MIPOL1: variants seen among roughly 807,000 people sequenced by gnomAD.
MIPOL1 encodes the protein mirror-image polydactyly 1, also known as mirror-image polydactyly gene 1 protein.
In MIPOL1, 57 loss-of-function variants were observed where a neutral mutation model predicts 60.9. The ratio of observed to expected loss-of-function variants is 0.94; its 90% CI spans 0.76 to 1.17. The LOEUF is 1.17. MIPOL1 is among the 50% of genes most tolerant of loss of function. MIPOL1 has a pLI of 0.00. For missense variants in MIPOL1, 551 were observed against 511.6 expected (o/e 1.08, Z -0.74); for synonymous variants, 179 against 168.8 (o/e 1.06, Z -0.47).
chr14:37,324,979 A>G (rs972955057), intron 9 of MIPOL1, among the ~76,000 whole-genome samples: 1 of 151,936 alleles, frequency 6.6e-6, no homozygotes, highest in Admixed American at 6.6e-5. Context: ...AAGTCCTCCA[A>G]CTTGTTCTTT....
At chr14:37,544,473 C>G (rs1486427846) in intron 12 of MIPOL1, among the ~76,000 whole-genome samples, 11 of 152,194 alleles carry the variant, frequency 7.2e-5, no homozygotes, top group Admixed American at 7.2e-4. Context: ...GAAGATATCA[C>G]TGAGTAATAT....
At chr14:37,487,695 A>G (rs2094972394) in intron 11 of MIPOL1, among the ~76,000 whole-genome samples, 4 of 151,948 alleles carry the variant, frequency 2.6e-5, no homozygotes, top group Non-Finnish European at 5.9e-5. Flanking sequence ...CCCCTTTATC[A>G]CTTTTTATTG....
intron 7 of MIPOL1, among the ~76,000 whole-genome samples, chr14:37,295,879 AC>A (rs1373673004): frequency 1.3e-5 from 2 of 152,122 alleles, no homozygotes; most frequent in African/African-American, 4.8e-5. Flanking sequence ...CCCACTGTCA[AC>A]ATTAGACAGA....
chr14:37,218,264 T>G (rs2139446359), intron 1 of MIPOL1, among the ~76,000 whole-genome samples: 1 of 152,272 alleles, frequency 6.6e-6, no homozygotes, highest in East Asian at 1.9e-4. Flanking sequence ...CACTTCAGCC[T>G]CCACCTCCCA....
intron 1 of MIPOL1, among the ~76,000 whole-genome samples, chr14:37,215,047 C>T (rs1967384376): frequency 6.6e-6 from 1 of 152,162 alleles, no homozygotes. Flanking sequence ...ATCCTGTACA[C>T]CTGGCTCTGC....
At chr14:37,347,285 C>T (rs2091009472) in intron 9 of MIPOL1, among the ~76,000 whole-genome samples, 1 of 151,770 alleles carries the variant, frequency 6.6e-6, no homozygotes, top group African/African-American at 2.4e-5. Context: ...AAAAGGATCA[C>T]TGTGAAAAAA....
At chr14:37,202,657 C>T (rs1420807349) in intron 1 of MIPOL1, among the ~76,000 whole-genome samples, 1 of 152,128 alleles carries the variant, frequency 6.6e-6, no homozygotes, top group Admixed American at 6.5e-5. Flanking sequence ...TTAATTTGTA[C>T]GATCATCCTT....
intron 11 of MIPOL1, among the ~76,000 whole-genome samples, chr14:37,454,455 A>T (rs1326756178): frequency 2.0e-5 from 3 of 152,234 alleles, no homozygotes; most frequent in Non-Finnish European, 1.5e-5. Context: ...TGATGCTCAT[A>T]ACAGCTGTGT....
chr14:37,534,692 G>T (rs1055585743), intron 12 of MIPOL1, among the ~76,000 whole-genome samples: 58 of 152,130 alleles, frequency 3.8e-4, no homozygotes, highest in African/African-American at 1.3e-3. Flanking sequence ...CAATAAAATT[G>T]TAACTTAATC....
intron 9 of MIPOL1, among the ~76,000 whole-genome samples, chr14:37,348,248 C>T (rs1411388123): frequency 6.6e-6 from 1 of 152,046 alleles, no homozygotes; most frequent in Non-Finnish European, 1.5e-5. Context: ...ACATGATTTC[C>T]TCTAAATTAA....
chr14:37,487,802 T>C (rs1361304469), intron 11 of MIPOL1, among the ~76,000 whole-genome samples: 2 of 152,178 alleles, frequency 1.3e-5, no homozygotes, highest in Non-Finnish European at 2.9e-5. Flanking sequence ...ATTCATTGAT[T>C]TTTTGAAGGG....
At chr14:37,286,716 T>G (rs1386069202) in intron 7 of MIPOL1, among the ~76,000 whole-genome samples, 1 of 152,104 alleles carries the variant, frequency 6.6e-6, no homozygotes, top group African/African-American at 2.4e-5. Flanking sequence ...GATTAATGGC[T>G]TCATTTTTTT....
chr14:37,480,584 G>C (rs1374643643), intron 11 of MIPOL1, among the ~76,000 whole-genome samples: 2 of 143,618 alleles, frequency 1.4e-5, no homozygotes, highest in East Asian at 2.0e-4. Context: ...CATATGAGAA[G>C]CCCACAGCTA....
At chr14:37,227,486 GTGTT>G (rs1317407093) in intron 1 of MIPOL1, among the ~76,000 whole-genome samples, 1 of 152,088 alleles carries the variant, frequency 6.6e-6, no homozygotes, top group African/African-American at 2.4e-5. Context: ...TGTGGTGTGT[GTGTT>G]TGTGTGTGTG....
At chr14:37,209,950 A>T (rs1343091005) in intron 1 of MIPOL1, among the ~76,000 whole-genome samples, 3 of 151,616 alleles carry the variant, frequency 2.0e-5, no homozygotes, top group Non-Finnish European at 4.4e-5. Flanking sequence ...TCCTTAAGCG[A>T]TCCTCCCACC....
intron 9 of MIPOL1, among the ~76,000 whole-genome samples, chr14:37,361,668 C>T (rs6571809): frequency 0.97 from 135,748 of 139,868 alleles, 65,926 homozygotes; most frequent in East Asian, 1. Context: ...GGCAGTGGCT[C>T]GATTTCGGCC....
At chr14:37,216,190 T>C (rs1967665837) in intron 1 of MIPOL1, among the ~76,000 whole-genome samples, 1 of 151,582 alleles carries the variant, frequency 6.6e-6, no homozygotes, top group East Asian at 1.9e-4. Flanking sequence ...AAAGAGACAA[T>C]GTCACTATAT....
chr14:37,233,110 C>T (rs1000755051), intron 1 of MIPOL1, among the ~76,000 whole-genome samples: 18 of 152,104 alleles, frequency 1.2e-4, no homozygotes, highest in Admixed American at 8.5e-4. Flanking sequence ...TGGGGTAACA[C>T]GTGTATTTTA....
intron 12 of MIPOL1, 62 bp from the exon 13 acceptor site, chr14:37,546,843 A>T: frequency 1.5e-6 from 2 of 1,317,386 alleles, no homozygotes; most frequent in Non-Finnish European, 2.2e-6. Flanking sequence ...ATCAGCCAGG[A>T]CATTCTTAAC....
Sources: gnomAD v4.1 joint callset for allele counts (sites outside exome capture counted in the v4.1 genomes callset) on GRCh38, gnomAD v4.1.1 for gene constraint, MANE v1.5 for transcripts, NCBI Gene and HGNC (gene_info 2026-07-23, HGNC 2026-07-21) for gene names.